The following NTHL1 variants were observed in gnomAD, a reference collection of about 807,000 sequenced individuals.
NTHL1 encodes endonuclease III-like protein 1.
Under a neutral mutation model 32.3 loss-of-function variants are expected in NTHL1, and 32 were observed. The ratio of observed to expected loss-of-function variants is 0.99; its 90% CI spans 0.75 to 1.33. The LOEUF (loss-of-function observed/expected upper bound fraction) is 1.33. Ranked by LOEUF, NTHL1 falls within the 40% of genes most tolerant of loss-of-function variation. NTHL1 has a pLI of 0.00. For missense variants in NTHL1, 501 were observed against 414.1 expected (o/e 1.21, Z -1.82); for synonymous variants, 188 against 176.9 (o/e 1.06, Z -0.50).
chr16:2,045,696 C>T (rs988417057), intron 2 of NTHL1, among the ~76,000 whole-genome samples: 6 of 152,186 alleles, frequency 3.9e-5, no homozygotes, highest in Non-Finnish European at 7.3e-5. Context: ...CTTGGCCTCC[C>T]GAAGTGCTGG....
rs1048431740 is a variant in NTHL1 at position 2,044,792 on chromosome 16, C to T, written c.363G>A (p.Arg121=). 2 of 1,604,502 alleles carry T rather than the reference C, an allele frequency of 1.2e-6. No individual in the cohort carries two copies. Among genetic ancestry groups the T allele is most frequent in the Non-Finnish European group, 1.7e-6 (2 of 1,175,242 alleles). The change falls in exon 3 of 6, where the codon AGG becomes AGA. Residue 121 remains arginine, a synonymous_variant. Coordinates refer to ENST00000651570, the MANE Select transcript of NTHL1 (RefSeq NM_002528.7). This position sits in a 1 kb window ranked among gnomAD's most constrained non-coding sequence, Gnocchi z 5.0. ...YDSSAPPKVR[R]YQVLLSLMLS... ...GCATCAGTGACAGCAGCACCTGGTA[C>T]CTGCGTACCTGCTTGTGCAGTGACA...
rs2150942686 is a variant in NTHL1 at position 2,044,873 on chromosome 16, C to T, written c.355-73G>A. 3.4e-6 allele frequency: 5 copies of T among 1,473,166 alleles called. No individual in the cohort carries two copies. Among genetic ancestry groups the T allele is most frequent in the Non-Finnish European group, 2.7e-6 (3 of 1,099,248 alleles). The allele number at this position is 1,473,166 out of a possible 1,614,324, so 91.3% of individuals were successfully genotyped here. A position where few individuals can be genotyped will look rare whatever the true frequency, so the allele number is the denominator to read the frequency against. Reference sequence around the variant, plus strand: ...TTCCCTGGCCAGGCTCCGCCCCCCGCCCTCGACACACCCTGGTTTGTTGCC... The same window carrying T: ...TTCCCTGGCCAGGCTCCGCCCCCCGTCCTCGACACACCCTGGTTTGTTGCC... On this transcript the variant is annotated intron_variant, in intron 2 of 5. Coordinates refer to ENST00000651570, the MANE Select transcript of NTHL1 (RefSeq NM_002528.7). This position sits in a 1 kb window ranked among gnomAD's most constrained non-coding sequence, Gnocchi z 5.0.
At position 2,044,500 on chromosome 16, in the gene NTHL1, G is replaced by A. The variant is rs377199671; in HGVS notation, c.525+130C>T. 108 of 1,204,604 alleles carry A rather than the reference G, an allele frequency of 9.0e-5. 1 individual carries two copies. The East Asian group carries it at 1.3e-3, about 14-fold the overall frequency. 74.6% of individuals were successfully genotyped at this position (1,204,604 alleles called of 1,614,324 possible). On this transcript the variant is annotated intron_variant, in intron 3 of 5. Coordinates refer to ENST00000651570, the MANE Select transcript of NTHL1 (RefSeq NM_002528.7). The surrounding 1 kb of genome is among the most constrained non-coding windows in gnomAD (Gnocchi z 5.0). ...CTCAGGGCCCCACGGCCTGGGGGGG[G>A]CTTCAGGGGGACCCCCCGAGCCTGA...
At chr16:2,045,276 G>A (rs571009770) in intron 2 of NTHL1, among the ~76,000 whole-genome samples, 16 of 151,962 alleles carry the variant, frequency 1.1e-4, no homozygotes, top group Non-Finnish European at 1.8e-4. Context: ...GGCGAAGGTT[G>A]CAGTGAGCTA....
rs551413606 is a variant in NTHL1, at chr16:2,041,545, C to T, written c.686-1307G>A. On this transcript the variant is annotated intron_variant, in intron 4 of 5. Transcript: ENST00000651570. ...GCAACTTTCGCCTCTGGGTTTCAAG[C>T]GATTCTCCTGCCTCAGCCTCCCGAG... 1.1e-4 allele frequency among the ~76,000 whole-genome samples: 17 copies of T among 152,008 alleles called. 1 individual carries two copies. Among genetic ancestry groups the T allele is most frequent in the East Asian group, 3.9e-4 (2 of 5,166 alleles).
chr16:2,040,474 G>T (rs1484954513), intron 4 of NTHL1: 1 of 599,388 alleles, frequency 1.7e-6, no homozygotes, highest in Non-Finnish European at 3.0e-6. Flanking sequence ...GAGCCAGCCT[G>T]GGGGGCTCTG....
At chr16:2,046,761 C>G (rs998255134) in intron 1 of NTHL1, among the ~76,000 whole-genome samples, 6 of 152,156 alleles carry the variant, frequency 3.9e-5, no homozygotes, top group Non-Finnish European at 8.8e-5. Flanking sequence ...CACTTGAGGT[C>G]AGGAGTTCAA....
In NTHL1 at chr16:2,040,115, C is replaced by T; in HGVS notation, c.791+18G>A. 1 of 1,612,900 alleles carries T rather than the reference C, an allele frequency of 6.2e-7. No individual in the cohort carries two copies. The highest frequency in any genetic ancestry group is 8.5e-7 in the Non-Finnish European group (1 of 1,179,754). On this transcript the variant is annotated intron_variant, in intron 5 of 5. Coordinates refer to ENST00000651570, the MANE Select transcript of NTHL1 (RefSeq NM_002528.7). ...GGGGTGAGCTCTTCTCCCTAGGAAG[C>T]CCCCCACATACTCATACCTAGGCAG... is the stretch of plus-strand genomic sequence containing the variant.
At chr16:2,045,986 G>GC (rs2084350546) in intron 2 of NTHL1, 142 bp downstream of exon 2, 6 of 706,508 alleles carry the variant, frequency 8.5e-6, no homozygotes, top group Non-Finnish European at 1.5e-5. Flanking sequence ...AGTGATGCAG[G>GC]CGATGCTCTG....
chr16:2,040,894 G>A (rs548052527), intron 4 of NTHL1, among the ~76,000 whole-genome samples: 6 of 152,312 alleles, frequency 3.9e-5, no homozygotes, highest in East Asian at 3.9e-4. Context: ...CTGGCAGGCC[G>A]GCATGAGGTC....
chr16:2,040,648 C>T (rs1253882815), intron 4 of NTHL1, among the ~76,000 whole-genome samples: 1 of 152,190 alleles, frequency 6.6e-6, no homozygotes, highest in African/African-American at 2.4e-5. Flanking sequence ...GGGGCCAGAC[C>T]CTGCCAGAGA....
chr16:2,040,473 T>TG, intron 4 of NTHL1: 2 of 599,368 alleles, frequency 3.3e-6, no homozygotes, highest in Non-Finnish European at 3.0e-6. Flanking sequence ...TGAGCCAGCC[T>TG]GGGGGGCTCT....
Position 2,044,636 on chromosome 16 carries a change from G to A in NTHL1, c.519C>T (p.Phe173=), listed in dbSNP as rs1401228518. The change falls in exon 3 of 6, where the codon TTC becomes TTT. Residue 173 remains phenylalanine (F), a synonymous_variant. Coordinates refer to ENST00000651570, the MANE Select transcript of NTHL1 (RefSeq NM_002528.7). This position sits in a 1 kb window ranked among gnomAD's most constrained non-coding sequence, Gnocchi z 5.0. ...TLGKLIYPVG[F]WRSKVKYIKQ... is the part of the protein sequence containing the mutation. ...TGCCACAGGCAGGGCTCACCCTCCA[G>A]AAACCGACGGGGTAGATGAGCTTGC... 1 of 1,604,326 alleles carries A rather than the reference G, an allele frequency of 6.2e-7. No individual in the cohort carries two copies. Among genetic ancestry groups the A allele is most frequent in the Non-Finnish European group, 8.5e-7 (1 of 1,179,918 alleles).
intron 4 of NTHL1, among the ~76,000 whole-genome samples, chr16:2,042,387 C>T (rs937862874): frequency 2.6e-5 from 4 of 152,196 alleles, no homozygotes; most frequent in Admixed American, 6.5e-5. Flanking sequence ...GCGCACCTGG[C>T]CTGGCTCTGG....
At position 2,040,256 on chromosome 16, in the gene NTHL1, G is replaced by A. The variant is rs995139097; in HGVS notation, c.686-18C>T. On this transcript the variant is annotated intron_variant, in intron 4 of 5. Coordinates refer to ENST00000651570, the MANE Select transcript of NTHL1 (RefSeq NM_002528.7). Reference sequence around the variant, plus strand: ...GTCCACTGCTGCTGGGAGGCCAAGCGGGGTGAACAGGGGCACACTCCACCA... The same window carrying A: ...GTCCACTGCTGCTGGGAGGCCAAGCAGGGTGAACAGGGGCACACTCCACCA... The A allele has an allele frequency of 1.1e-5, 17 of 1,605,290 alleles. No individual in the cohort carries two copies. The highest frequency in any genetic ancestry group is 6.7e-5 in the Admixed American group (4 of 60,010).
chr16:2,041,609 ATT>A (rs112551427), intron 4 of NTHL1, among the ~76,000 whole-genome samples: 1 of 141,966 alleles, frequency 7.0e-6, no homozygotes. Context: ...CGCCCGGCTA[ATT>A]TTTTTTTTTT....
At chr16:2,042,256 C>T (rs113601405) in intron 4 of NTHL1, 13 of 369,602 alleles carry the variant, frequency 3.5e-5, no homozygotes, top group African/African-American at 1.3e-4. Context: ...TGCCCAACCA[C>T]GATGCAGCAC....
chr16:2,042,846 A>T (rs1479640437), intron 4 of NTHL1, among the ~76,000 whole-genome samples: 1 of 33,574 alleles, frequency 3.0e-5, no homozygotes, highest in Non-Finnish European at 5.4e-5. Context: ...CTCCCTCTCC[A>T]CCCTCCCCCC....
In NTHL1 at chr16:2,039,962, G is replaced by C. The variant is rs200420874; in HGVS notation, c.877C>G (p.Leu293Val). 43 of 1,607,480 alleles carry C rather than the reference G, an allele frequency of 2.7e-5. 1 individual carries two copies. In the East Asian group the frequency reaches 8.9e-4, roughly 33 times the overall value. Residue 293 changes from leucine to valine, a missense_variant, in exon 6 of 6, where the codon CTC becomes GTC. Physicochemically the swap from Leu to Val is conservative, Grantham distance 32 (BLOSUM62 1). Coordinates refer to ENST00000651570, the MANE Select transcript of NTHL1 (RefSeq NM_002528.7). ...GCGGCCGGGCAGAGGGCTTGGTTGA[G>C]GCAGGCGTGGCAGCGAGGGTGCACA... ...LPVHPRCHAC[L>V]NQALCPAAQG... is the part of the protein sequence containing the mutation.
Sources: allele counts gnomAD v4.1 joint callset (sites outside exome capture counted in the v4.1 genomes callset), GRCh38; gene constraint gnomAD v4.1.1; non-coding constraint Gnocchi (gnomAD v3.1); transcripts MANE v1.5; gene names NCBI Gene and HGNC (gene_info 2026-07-23, HGNC 2026-07-21).